SLC7A6: variants seen among roughly 807,000 people sequenced by gnomAD.
The protein encoded by SLC7A6 is Y+L amino acid transporter 2.
A neutral mutation model predicts 46.6 loss-of-function variants in SLC7A6; 29 were observed. The observed-to-expected ratio is 0.62, with a 90% CI of 0.46 to 0.85. SLC7A6 has a LOEUF of 0.85. SLC7A6 is among the 40% of genes least tolerant of loss of function. SLC7A6 has a pLI of 0.00. For synonymous variants in SLC7A6, 276 were observed against 257.3 expected (o/e 1.07, Z -0.70); for missense variants, 527 against 647.6 (o/e 0.81, Z 2.02).
chr16:68,269,989 C>T (rs971413680), intron 2 of SLC7A6, among the ~76,000 whole-genome samples: 9 of 152,008 alleles, frequency 5.9e-5, no homozygotes, highest in Non-Finnish European at 7.4e-5. Context: ...AGGCTAGTCT[C>T]GAACTCTTGG....
chr16:68,290,522 A>G lies in SLC7A6; in HGVS notation c.776A>G (p.Glu259Gly). Residue 259 changes from glutamate (E) to glycine (G), a missense_variant, in exon 5 of 11, where the codon GAA (glutamate) becomes GGA (glycine). By Grantham distance (98) the Glu-to-Gly change is moderately conservative. Coordinates refer to ENST00000219343, the MANE Select transcript of SLC7A6 (RefSeq NM_003983.6). ...GWDTLNFVTE[E>G]IKNPERNLPL... ...GACACCCTTAATTTTGTAACAGAAG[A>G]AATCAAAAACCCAGAAAGGTAAAGA... is the stretch of plus-strand genomic sequence containing the variant. The G allele has an allele frequency of 6.2e-7, 1 of 1,614,212 alleles. No homozygotes were observed. Among genetic ancestry groups the G allele is most frequent in the Non-Finnish European group, 8.5e-7 (1 of 1,180,040 alleles).
At chr16:68,266,794 A>C (rs1169505471) in intron 2 of SLC7A6, 73 bp downstream of exon 2, 3 of 152,168 alleles carry the variant, frequency 2.0e-5, no homozygotes, top group Non-Finnish European at 4.4e-5. Flanking sequence ...TACAGTGTGA[A>C]TACAATACTA....
At chr16:68,271,985 A>G (rs1447354253) in intron 2 of SLC7A6, among the ~76,000 whole-genome samples, 1 of 151,892 alleles carries the variant, frequency 6.6e-6, no homozygotes, top group East Asian at 1.9e-4. Context: ...TTGTATTTTT[A>G]TTAGAGACCG....
Position 68,275,024 on chromosome 16 carries a change from G to C in SLC7A6, c.298G>C (p.Glu100Gln). 1 of 1,614,190 alleles carries C rather than the reference G, an allele frequency of 6.2e-7. No homozygotes were observed. The highest frequency in any genetic ancestry group is 8.5e-7 in the Non-Finnish European group (1 of 1,180,046). Reference sequence around the variant, plus strand: ...TGTTGTGGGTGCCCTTTGTTATGCAGAGCTGGGGACCACCATCACCAAGTC... The same window carrying C: ...TGTTGTGGGTGCCCTTTGTTATGCACAGCTGGGGACCACCATCACCAAGTC... ...FSVVGALCYA[E>Q]LGTTITKSGA... Residue 100 changes from glutamate (E) to glutamine (Q), a missense_variant, in exon 3 of 11, where the codon GAG (glutamate) becomes CAG (glutamine). Coordinates refer to ENST00000219343, the MANE Select transcript of SLC7A6 (RefSeq NM_003983.6).
intron 2 of SLC7A6, among the ~76,000 whole-genome samples, chr16:68,270,533 C>T (rs1419090749): frequency 1.3e-5 from 2 of 152,166 alleles, no homozygotes; most frequent in Non-Finnish European, 2.9e-5. Flanking sequence ...TGAGTAACCA[C>T]TGAGGTCTAT....
intron 3 of SLC7A6, chr16:68,287,284 T>C (rs1260176637): frequency 7.8e-7 from 1 of 1,280,902 alleles, no homozygotes; most frequent in Non-Finnish European, 1.0e-6. Flanking sequence ...GGCCTCATTT[T>C]TACACTTAAT....
Position 68,296,356 on chromosome 16 carries a change from T to C in SLC7A6, c.1120-8T>C, listed in dbSNP as rs762531553. The C allele has an allele frequency of 6.2e-7, 1 of 1,613,800 alleles. No homozygotes were observed. Among genetic ancestry groups the C allele is most frequent in the Non-Finnish European group, 8.5e-7 (1 of 1,179,994 alleles). ...ATGCTCACCTGTCTCCCCACCCCTT[T>C]CCCACAGTGCACCATGGCACTCATC... On this transcript the variant is annotated splice_region_variant and splice_polypyrimidine_tract_variant and intron_variant, in intron 8 of 10. Transcript: ENST00000219343.
intron 3 of SLC7A6, chr16:68,287,501 G>T: frequency 2.1e-6 from 3 of 1,399,360 alleles, no homozygotes; most frequent in Non-Finnish European, 1.9e-6. Flanking sequence ...CCATCAGGAT[G>T]TATAAGTATG....
chr16:68,285,312 C>T (rs1364503979), intron 3 of SLC7A6, among the ~76,000 whole-genome samples: 1 of 152,130 alleles, frequency 6.6e-6, no homozygotes, highest in Non-Finnish European at 1.5e-5. Context: ...GGAGCAATTC[C>T]CAAGAAGGAG....
chr16:68,269,980 G>C (rs2042598590), intron 2 of SLC7A6, among the ~76,000 whole-genome samples: 1 of 152,046 alleles, frequency 6.6e-6, no homozygotes, highest in African/African-American at 2.4e-5. Flanking sequence ...ATGTTGCCCA[G>C]GCTAGTCTCG....
chr16:68,292,884 C>CA (rs2043085648), intron 7 of SLC7A6: 1 of 152,248 alleles, frequency 6.6e-6, no homozygotes, highest in South Asian at 2.1e-4. Context: ...ACATAAGATA[C>CA]ATGAGAAGAA....
rs779679223 is a variant in SLC7A6 at position 68,274,876 on chromosome 16, G to A, written c.150G>A (p.Gly50=). ...AGAAGGAGATCTCCCTGCTGAATGG[G>A]GTCAGCCTGGTGGTGGGCAACATGA... ...QLKKEISLLN[G]VSLVVGNMIG... Residue 50 remains glycine (G), a synonymous_variant, in exon 3 of 11, where the codon GGG becomes GGA. Coordinates refer to ENST00000219343, the MANE Select transcript of SLC7A6 (RefSeq NM_003983.6). The A allele has an allele frequency of 1.1e-5, 18 of 1,614,190 alleles. No individual in the cohort carries two copies. The highest frequency in any genetic ancestry group is 1.5e-5 in the Non-Finnish European group (18 of 1,180,036).
rs368025971 is a variant in SLC7A6 at position 68,269,379 on chromosome 16, G to C, written c.-37+2658G>C. 2.0e-5 allele frequency among the ~76,000 whole-genome samples: 3 copies of C among 152,226 alleles called. No individual in the cohort carries two copies. The East Asian group carries it at 5.8e-4, about 29-fold the overall frequency. On this transcript the variant is annotated intron_variant, in intron 2 of 10. Transcript: ENST00000219343. ...GGAACAGTAGAGACTGAGGTATATA[G>C]TATTTATTTTGGGAACTGGGTACAG...
At chr16:68,277,600 G>A (rs1185441365) in intron 3 of SLC7A6, among the ~76,000 whole-genome samples, 27 of 146,442 alleles carry the variant, frequency 1.8e-4, no homozygotes, top group Admixed American at 1.6e-3. Flanking sequence ...TGTGAGCCAC[G>A]GCGCCCGGCC....
In SLC7A6 at chr16:68,291,723, TAA is replaced by T. The variant is rs2043053726; in HGVS notation, c.1022+63_1022+64del. On this transcript the variant is annotated intron_variant, in intron 7 of 10. Transcript: ENST00000219343. ...TATTTCATTCTCTGGGGCTTAGGCATAAGAGTTCCTTTTTTCCCTCCTTCTCA... is the reference window on the plus strand; with the variant it reads ...TATTTCATTCTCTGGGGCTTAGGCATGAGTTCCTTTTTTCCCTCCTTCTCA... 1.8e-5 allele frequency: 26 copies of T among 1,433,018 alleles called. No homozygotes were observed. The South Asian group carries it at 2.8e-4, about 15-fold the overall frequency. The allele number at this position is 1,433,018 out of a possible 1,614,324, so 88.8% of individuals were successfully genotyped here.
intron 7 of SLC7A6, chr16:68,291,923 A>G (rs769481311): frequency 1.4e-5 from 6 of 419,608 alleles, no homozygotes; most frequent in East Asian, 4.2e-5. Context: ...TTGATAGCTC[A>G]TATTTATGTG....
At chr16:68,266,408 T>C (rs899874325) in intron 1 of SLC7A6, among the ~76,000 whole-genome samples, 185 bp from the exon 2 acceptor site, 1 of 152,232 alleles carries the variant, frequency 6.6e-6, no homozygotes, top group Non-Finnish European at 1.5e-5. Context: ...GTGGGTGTCA[T>C]GGAACCTGCT....
chr16:68,297,489 A>G lies in SLC7A6; in HGVS notation c.*161A>G. 1 of 384,324 alleles carries G rather than the reference A, an allele frequency of 2.6e-6. No homozygotes were observed. The highest frequency in any genetic ancestry group is 3.5e-5 in the South Asian group (1 of 28,772). The allele number at this position is 384,324 out of a possible 1,614,324, so 23.8% of individuals were successfully genotyped here. The stretch of plus-strand genomic sequence containing the variant: ...CTCACTCTTATTGGTAAGCTATAGG[A>G]GACTCAGGATCTGGGCCAACCTCAA... On this transcript the variant is annotated 3_prime_UTR_variant, in exon 11 of 11. Coordinates refer to ENST00000219343, the MANE Select transcript of SLC7A6 (RefSeq NM_003983.6).
At chr16:68,265,599 G>A (rs116580887) in intron 1 of SLC7A6, 6,510 of 152,242 alleles carry the variant, frequency 0.043, 147 homozygotes, top group Middle Eastern at 0.15. Context: ...AAGGCTGTGA[G>A]TACTTCCTTA....
Sources: gnomAD v4.1 joint callset for allele counts (sites outside exome capture counted in the v4.1 genomes callset) on GRCh38, gnomAD v4.1.1 for gene constraint, MANE v1.5 for transcripts, NCBI Gene and HGNC (gene_info 2026-07-23, HGNC 2026-07-21) for gene names.